The following DPYSL2 variants were observed in gnomAD, a reference collection of about 807,000 sequenced individuals.
DPYSL2 encodes dihydropyrimidinase like 2.
DPYSL2 carries 13 observed loss-of-function variants against 69.9 expected under a neutral mutation model. The observed-to-expected ratio is 0.19, with a 90% CI of 0.12 to 0.30. DPYSL2 has a LOEUF of 0.30. Ranked by LOEUF, DPYSL2 falls within the 10% of genes least tolerant of loss-of-function variation. The probability of loss-of-function intolerance (pLI) is 1.00; values close to 1 mark genes in which losing one functional copy is unlikely to be tolerated. For synonymous variants in DPYSL2, 326 were observed against 359.1 expected (o/e 0.91, Z 1.04); for missense variants, 587 against 918.9 (o/e 0.64, Z 4.67).
chr8:26,632,425 G>A (rs1472831928), intron 7 of DPYSL2, among the ~76,000 whole-genome samples: 1 of 152,196 alleles, frequency 6.6e-6, no homozygotes, highest in African/African-American at 2.4e-5. Context: ...TTGGAGATGA[G>A]GATAATGAAG....
At position 26,588,825 on chromosome 8, in the gene DPYSL2, G is replaced by A. The variant is rs1409564512; in HGVS notation, c.628+4842G>A. Among the ~76,000 whole-genome samples, 3 of 152,176 alleles carry A rather than the reference G, an allele frequency of 2.0e-5. No individual in the cohort carries two copies. Among genetic ancestry groups the A allele is most frequent in the Non-Finnish European group, 2.9e-5 (2 of 68,018 alleles). On this transcript the variant is annotated intron_variant, in intron 3 of 13. Transcript: ENST00000521913. This position sits in a 1 kb window ranked among gnomAD's most constrained non-coding sequence, Gnocchi z 5.4. The stretch of plus-strand genomic sequence containing the variant: ...CAGTCCTGGAGAGGGCTCGCTGGAG[G>A]TTGTGCTGGCGGTATCTGCAGAGTC...
chr8:26,601,668 C>T (rs991756982), intron 3 of DPYSL2, among the ~76,000 whole-genome samples: 1 of 150,698 alleles, frequency 6.6e-6, no homozygotes, highest in African/African-American at 2.4e-5. Flanking sequence ...TGAGCCACAG[C>T]GCCTGGGCCC....
At chr8:26,600,890 T>G (rs1801976317) in intron 3 of DPYSL2, among the ~76,000 whole-genome samples, 2 of 152,234 alleles carry the variant, frequency 1.3e-5, no homozygotes. Flanking sequence ...TTTGTGAGCC[T>G]TCTTCTTTCT....
intron 8 of DPYSL2, among the ~76,000 whole-genome samples, chr8:26,639,091 CTT>C (rs1802984572): frequency 1.3e-5 from 2 of 152,318 alleles, no homozygotes; most frequent in Admixed American, 6.5e-5. Flanking sequence ...GATAAGACCT[CTT>C]ATGTCCTGTG....
At chr8:26,543,247 A>G (rs918564474) in intron 1 of DPYSL2, among the ~76,000 whole-genome samples, 2 of 152,318 alleles carry the variant, frequency 1.3e-5, no homozygotes, top group South Asian at 4.1e-4. Context: ...GAATTACTCA[A>G]TTTACTCTTG....
rs572502395 is a variant in DPYSL2, at chr8:26,610,910, T to G, written c.629-13233T>G. On this transcript the variant is annotated intron_variant, in intron 3 of 13. Transcript: ENST00000521913. The surrounding 1 kb of genome is among the most constrained non-coding windows in gnomAD (Gnocchi z 4.5). ...ACTATTATTAGGTCCATTTCACAGA[T>G]AAGAAACCTGAGGCCCTGACAGGGT... Among the ~76,000 whole-genome samples, 1 of 152,328 alleles carries G rather than the reference T, an allele frequency of 6.6e-6. No individual in the cohort carries two copies. The highest frequency in any genetic ancestry group is 2.1e-4 in the South Asian group (1 of 4,826).
intron 7 of DPYSL2, among the ~76,000 whole-genome samples, chr8:26,629,006 AG>A (rs1802678412): frequency 6.6e-6 from 1 of 152,028 alleles, no homozygotes; most frequent in South Asian, 2.1e-4. Flanking sequence ...CGGGTGCAGG[AG>A]GGGGTGGTTG....
In DPYSL2 at chr8:26,564,467, T is replaced by C. The variant is rs1489734739; in HGVS notation, c.355-17502T>C. ...AGGCCGGGGTGGGAAACAGCATGGA[T>C]TTGGGAATAATCCTTGAATGGGCTG... is the stretch of plus-strand genomic sequence containing the variant. On this transcript the variant is annotated intron_variant, in intron 1 of 13. Coordinates refer to ENST00000521913, the MANE Select transcript of DPYSL2 (RefSeq NM_001197293.3). The surrounding 1 kb of genome is among the most constrained non-coding windows in gnomAD (Gnocchi z 4.8). Among the ~76,000 whole-genome samples, 1 of 152,076 alleles carries C rather than the reference T, an allele frequency of 6.6e-6. No homozygotes were observed. Among genetic ancestry groups the C allele is most frequent in the Non-Finnish European group, 1.5e-5 (1 of 68,014 alleles).
chr8:26,535,135 A>T (rs1800570613), intron 1 of DPYSL2, among the ~76,000 whole-genome samples: 1 of 152,194 alleles, frequency 6.6e-6, no homozygotes, highest in African/African-American at 2.4e-5. Context: ...TGCCAGCATG[A>T]TTGGGTTCTG....
chr8:26,526,163 T>C (rs4629876), intron 1 of DPYSL2, among the ~76,000 whole-genome samples: 92,045 of 151,982 alleles, frequency 0.61, 30,092 homozygotes, highest in East Asian at 0.9. Flanking sequence ...GGCATGATCC[T>C]GGCTCACTGC....
At chr8:26,525,842 G>T (rs1013841040) in intron 1 of DPYSL2, among the ~76,000 whole-genome samples, 1 of 152,018 alleles carries the variant, frequency 6.6e-6, no homozygotes, top group Non-Finnish European at 1.5e-5. Flanking sequence ...GATATTTTTA[G>T]TTACAGAAAC....
chr8:26,628,767 C>T (rs2129920265), intron 7 of DPYSL2, among the ~76,000 whole-genome samples: 1 of 152,250 alleles, frequency 6.6e-6, no homozygotes, highest in East Asian at 1.9e-4. Context: ...CACCAAGGGC[C>T]TGAGTGGAGG....
At chr8:26,581,398 G>T (rs1801490144) in intron 1 of DPYSL2, among the ~76,000 whole-genome samples, 1 of 150,270 alleles carries the variant, frequency 6.7e-6, no homozygotes, top group South Asian at 2.1e-4. Context: ...TTTTGAGTTG[G>T]AGTCTTGCTG....
At chr8:26,556,018 AAAT>A (rs1180720284) in intron 1 of DPYSL2, among the ~76,000 whole-genome samples, 3 of 106,666 alleles carry the variant, frequency 2.8e-5, no homozygotes, top group African/African-American at 7.4e-5. Context: ...TTATATATAT[AAAT>A]ATATATATAA....
At chr8:26,523,548 A>G (rs1808425589) in intron 1 of DPYSL2, among the ~76,000 whole-genome samples, 1 of 152,208 alleles carries the variant, frequency 6.6e-6, no homozygotes, top group African/African-American at 2.4e-5. Flanking sequence ...TAGGACCCTC[A>G]TGTAAGTGGA....
chr8:26,613,588 A>G (rs17055515), intron 3 of DPYSL2, among the ~76,000 whole-genome samples: 15,247 of 152,210 alleles, frequency 0.1, 881 homozygotes, highest in Non-Finnish European at 0.12. Context: ...TCCATTGACC[A>G]GTGAGTGATG....
chr8:26,577,222 C>G (rs768107440), intron 1 of DPYSL2: 69 of 418,110 alleles, frequency 1.7e-4, no homozygotes, highest in Non-Finnish European at 1.7e-4. Flanking sequence ...CCCCCCGGCC[C>G]GCGCCCATTC....
chr8:26,592,967 G>C (rs1167742914), intron 3 of DPYSL2, among the ~76,000 whole-genome samples: 1 of 152,040 alleles, frequency 6.6e-6, no homozygotes, highest in East Asian at 1.9e-4. Flanking sequence ...AGGTTTTGAG[G>C]GTTCTGTCTT....
In DPYSL2 at chr8:26,583,848, G is replaced by A. The variant is rs1408084226; in HGVS notation, c.493G>A (p.Ala165Thr). The change falls in exon 3 of 14, where the codon GCC becomes ACC. Residue 165 changes from alanine to threonine, a missense_variant. This residue lies in a region of DPYSL2 where 452 missense variants were observed against 754.3 expected (regional missense o/e 0.60). Coordinates refer to ENST00000521913, the MANE Select transcript of DPYSL2 (RefSeq NM_001197293.3). Reference sequence around the variant, plus strand: ...GCCAGGAGGAGTGAAGACCATCGAGGCCCACTCCCGGATGGTGATCCCCGG... The same window carrying A: ...GCCAGGAGGAGTGAAGACCATCGAGACCCACTCCCGGATGGTGATCCCCGG... ...IVPGGVKTIE[A>T]HSRMVIPGGI... 1.2e-6 allele frequency: 2 copies of A among 1,614,012 alleles called. No homozygotes were observed. Among genetic ancestry groups the A allele is most frequent in the Non-Finnish European group, 1.7e-6 (2 of 1,179,954 alleles).
Sources: gnomAD v4.1 joint callset for allele counts (sites outside exome capture counted in the v4.1 genomes callset) on GRCh38, gnomAD v4.1.1 for gene constraint, gnomAD v4.1.1 regional missense constraint, Gnocchi (gnomAD v3.1) non-coding constraint, MANE v1.5 for transcripts, NCBI Gene and HGNC (gene_info 2026-07-23, HGNC 2026-07-21) for gene names.